The following DOCK5 variants were observed in gnomAD, a reference collection of about 807,000 sequenced individuals.
The protein encoded by DOCK5 is dedicator of cytokinesis 5.
DOCK5 carries 142 observed loss-of-function variants against 251.8 expected under a neutral mutation model. That is an observed-to-expected ratio of 0.56 (90% CI 0.49 to 0.65). DOCK5 has a LOEUF of 0.65. Ranked by LOEUF, DOCK5 falls within the 30% of genes least tolerant of loss-of-function variation. The pLI is 0.00. For synonymous variants in DOCK5, 842 were observed against 835.5 expected, an observed-to-expected ratio of 1.01 and a Z score of -0.13; for missense variants, 2,111 against 2,312.3, an observed-to-expected ratio of 0.91 and a Z score of 1.79.
intron 1 of DOCK5, among the ~76,000 whole-genome samples, chr8:25,197,907 T>C (rs1341760916): frequency 6.6e-6 from 1 of 151,952 alleles, no homozygotes; most frequent in African/African-American, 2.4e-5. Context: ...CCCACCACCA[T>C]GCCCGGCTAA....
intron 29 of DOCK5, among the ~76,000 whole-genome samples, chr8:25,363,683 T>C (rs561972656): frequency 1.3e-5 from 2 of 152,384 alleles, no homozygotes; most frequent in Admixed American, 1.3e-4. Flanking sequence ...TGATACACAG[T>C]GCCAAACTAA....
At chr8:25,285,756 C>G (rs1335855838) in intron 5 of DOCK5, among the ~76,000 whole-genome samples, 2 of 152,186 alleles carry the variant, frequency 1.3e-5, no homozygotes, top group Non-Finnish European at 2.9e-5. Flanking sequence ...TGGTTTGAAA[C>G]CAGCATCTTA....
intron 6 of DOCK5, among the ~76,000 whole-genome samples, chr8:25,292,618 G>A (rs561090136): frequency 1.2e-4 from 19 of 152,174 alleles, no homozygotes; most frequent in South Asian, 1.2e-3. Context: ...GGGTGTGGTG[G>A]TGCACACCTG....
Position 25,401,071 on chromosome 8 carries a change from G to A in DOCK5, c.4926+5G>A. ...CACTATGGGGTTATAACACTGGTAA[G>A]CATGATCTAAGTAGCCTTCACACCT... On this transcript the variant is annotated splice_donor_5th_base_variant and intron_variant, in intron 47 of 51. Coordinates refer to ENST00000276440, the MANE Select transcript of DOCK5 (RefSeq NM_024940.8). 1.9e-6 allele frequency: 3 copies of A among 1,613,844 alleles called. No homozygotes were observed. The highest frequency in any genetic ancestry group is 1.7e-6 in the Non-Finnish European group (2 of 1,179,820).
At chr8:25,290,300 A>G (rs1387604827) in intron 5 of DOCK5, among the ~76,000 whole-genome samples, 2 of 152,212 alleles carry the variant, frequency 1.3e-5, no homozygotes, top group African/African-American at 2.4e-5. Flanking sequence ...AACATGAATG[A>G]TAGCTGATGA....
chr8:25,372,423 A>C, intron 34 of DOCK5, 136 bp from the exon 35 acceptor site: 1 of 813,554 alleles, frequency 1.2e-6, no homozygotes, highest in Non-Finnish European at 1.8e-6. Context: ...TAACTGTGTC[A>C]CTTAATATCT....
chr8:25,243,145 T>C (rs1586258556), intron 1 of DOCK5, among the ~76,000 whole-genome samples: 1 of 152,304 alleles, frequency 6.6e-6, no homozygotes, highest in East Asian at 1.9e-4. Context: ...ACAGGGGCCA[T>C]GTCCATGTGA....
chr8:25,312,134 T>C (rs1805113456), intron 13 of DOCK5, among the ~76,000 whole-genome samples: 1 of 152,170 alleles, frequency 6.6e-6, no homozygotes, highest in Non-Finnish European at 1.5e-5. Flanking sequence ...TTTTTGCTTA[T>C]TTTGTCCATT....
chr8:25,410,751 G>A (rs1474734042), intron 51 of DOCK5, among the ~76,000 whole-genome samples: 1 of 150,232 alleles, frequency 6.7e-6, no homozygotes, highest in Non-Finnish European at 1.5e-5. Context: ...ACAGATGTGA[G>A]CCACTGCCTG....
chr8:25,368,238 T>A lies in DOCK5; in HGVS notation c.3271T>A (p.Trp1091Arg), dbSNP rs1370436413. The A allele has an allele frequency of 6.2e-7, 1 of 1,612,516 alleles. No homozygotes were observed. The highest frequency in any genetic ancestry group is 8.5e-7 in the Non-Finnish European group (1 of 1,179,276). The change falls in exon 32 of 52, where the codon TGG becomes AGG. Residue 1091 changes from tryptophan to arginine, a missense_variant. Trp to Arg is a moderately radical substitution (Grantham distance 101). Transcript: ENST00000276440. ...AATCGGCTTTAGAATCCGGGACATGTGGTATAACCTGGGTGAGTGTCTAGC... is the reference window on the plus strand; with the variant it reads ...AATCGGCTTTAGAATCCGGGACATGAGGTATAACCTGGGTGAGTGTCTAGC... ...KEIGFRIRDM[W>R]YNLGPHKIKF...
intron 1 of DOCK5, among the ~76,000 whole-genome samples, chr8:25,226,167 G>GA (rs1563314856): frequency 2.0e-5 from 3 of 148,390 alleles, no homozygotes; most frequent in African/African-American, 7.5e-5. Flanking sequence ...AATAAATTAA[G>GA]AAAAAAGTAA....
intron 26 of DOCK5, among the ~76,000 whole-genome samples, chr8:25,350,354 GGGTAAGTC>G (rs67298864): frequency 0.2 from 30,099 of 151,964 alleles, 2,975 homozygotes; most frequent in South Asian, 0.27. Flanking sequence ...AGTTGCATGT[GGGTAAGTC>G]GGAGCCAAAT....
At chr8:25,225,336 A>G (rs1472764667) in intron 1 of DOCK5, among the ~76,000 whole-genome samples, 1 of 152,246 alleles carries the variant, frequency 6.6e-6, no homozygotes, top group Non-Finnish European at 1.5e-5. Context: ...CAAAACATGG[A>G]AGCAACAAAA....
At chr8:25,355,478 G>C (rs2709613) in intron 27 of DOCK5, among the ~76,000 whole-genome samples, 136,574 of 152,256 alleles carry the variant, frequency 0.9, 61,371 homozygotes, top group East Asian at 1. Flanking sequence ...GAGACAGGGT[G>C]TCACTCTGTC....
At chr8:25,288,178 G>A (rs1442854143) in intron 5 of DOCK5, among the ~76,000 whole-genome samples, 2 of 152,076 alleles carry the variant, frequency 1.3e-5, no homozygotes, top group South Asian at 2.1e-4. Flanking sequence ...GAGCCACTGC[G>A]CCCGGCCAGC....
intron 13 of DOCK5, among the ~76,000 whole-genome samples, chr8:25,311,589 A>G (rs1049778044): frequency 4.0e-5 from 6 of 151,524 alleles, no homozygotes; most frequent in Non-Finnish European, 5.9e-5. Context: ...CCATGTTAGA[A>G]AAATTCTAGA....
intron 29 of DOCK5, among the ~76,000 whole-genome samples, chr8:25,364,228 A>T (rs1337998745): frequency 6.6e-6 from 1 of 152,188 alleles, no homozygotes; most frequent in Non-Finnish European, 1.5e-5. Flanking sequence ...GAGTAATTCT[A>T]CTCTAACACC....
intron 2 of DOCK5, among the ~76,000 whole-genome samples, chr8:25,251,946 G>C (rs553363416): frequency 2.0e-5 from 3 of 150,776 alleles, no homozygotes; most frequent in Non-Finnish European, 4.4e-5. Context: ...CTGAGATCAC[G>C]CGTGCCATTG....
At position 25,336,107 on chromosome 8, in the gene DOCK5, G is replaced by A. The variant is rs1169991406; in HGVS notation, c.2193-132G>A. 4.8e-5 allele frequency: 47 copies of A among 987,098 alleles called. No individual in the cohort carries two copies. The East Asian group carries it at 1.2e-3, about 26-fold the overall frequency. 61.1% of individuals were successfully genotyped at this position (987,098 alleles called of 1,614,324 possible). A position where few individuals can be genotyped will look rare whatever the true frequency, so the allele number is the denominator to read the frequency against. On this transcript the variant is annotated intron_variant, in intron 21 of 51. Coordinates refer to ENST00000276440, the MANE Select transcript of DOCK5 (RefSeq NM_024940.8). ...AAAAGAGTTAATTTTGCTGTTCAGG[G>A]CATATTCTAGAAGATATAATTAGTT...
Sources: allele counts gnomAD v4.1 joint callset (sites outside exome capture counted in the v4.1 genomes callset), GRCh38; gene constraint gnomAD v4.1.1; transcripts MANE v1.5; gene names NCBI Gene and HGNC (gene_info 2026-07-23, HGNC 2026-07-21).